The following UNC5D variants were observed in gnomAD, a reference collection of about 807,000 sequenced individuals.
UNC5D encodes netrin receptor UNC5D.
Under a neutral mutation model 105.4 loss-of-function variants are expected in UNC5D, and 39 were observed. That is an observed-to-expected ratio of 0.37 (90% CI 0.29 to 0.48). UNC5D has a LOEUF of 0.48. Among genes scored for constraint, UNC5D ranks in the 20% least tolerant of loss-of-function variants. The probability of loss-of-function intolerance (pLI) is 0.98; values close to 1 mark genes in which losing one functional copy is unlikely to be tolerated. For missense variants in UNC5D, 991 were observed against 1,202.4 expected, an observed-to-expected ratio of 0.82 and a Z score of 2.60; for synonymous variants, 452 against 450.4, an observed-to-expected ratio of 1.00 and a Z score of -0.04.
chr8:35,390,499 A>G (rs558561018), intron 1 of UNC5D, among the ~76,000 whole-genome samples: 119 of 151,398 alleles, frequency 7.9e-4, no homozygotes, highest in East Asian at 1.6e-3. Context: ...GAAAAAAAAA[A>G]TATTATGGAG....
At chr8:35,328,845 C>T (rs933719290) in intron 1 of UNC5D, among the ~76,000 whole-genome samples, 1 of 152,078 alleles carries the variant, frequency 6.6e-6, no homozygotes, top group South Asian at 2.1e-4. Context: ...TTTCATGATG[C>T]GTTTTGGAAG....
At chr8:35,776,906 C>G (rs1054809314) in intron 16 of UNC5D, among the ~76,000 whole-genome samples, 6 of 152,018 alleles carry the variant, frequency 3.9e-5, no homozygotes, top group Non-Finnish European at 7.4e-5. Context: ...GCCACAAGTT[C>G]GAGGCCACAA....
At chr8:35,495,938 GA>G (rs1395360162) in intron 1 of UNC5D, among the ~76,000 whole-genome samples, 2 of 152,162 alleles carry the variant, frequency 1.3e-5, no homozygotes, top group African/African-American at 2.4e-5. Context: ...GGGGCCAAAA[GA>G]TATGTATTCC....
At chr8:35,596,582 GCA>G (rs941548420) in intron 4 of UNC5D, among the ~76,000 whole-genome samples, 7 of 152,138 alleles carry the variant, frequency 4.6e-5, no homozygotes, top group Non-Finnish European at 8.8e-5. Context: ...TGTGGTCAGA[GCA>G]CAGTTTGGTT....
intron 1 of UNC5D, among the ~76,000 whole-genome samples, chr8:35,238,603 A>T (rs182153392): frequency 6.6e-6 from 1 of 152,168 alleles, no homozygotes; most frequent in Non-Finnish European, 1.5e-5. Context: ...TCTTCAAGAA[A>T]AAAAGGGGGA....
chr8:35,314,001 T>C (rs1215836012), intron 1 of UNC5D, among the ~76,000 whole-genome samples: 9 of 152,044 alleles, frequency 5.9e-5, no homozygotes, highest in African/African-American at 2.2e-4. Flanking sequence ...AGAATGGAAA[T>C]GTTGTTCTAA....
At chr8:35,277,991 G>C (rs1330265926) in intron 1 of UNC5D, among the ~76,000 whole-genome samples, 4 of 152,180 alleles carry the variant, frequency 2.6e-5, no homozygotes, top group Non-Finnish European at 5.9e-5. Flanking sequence ...AGTACCCGAG[G>C]CTGCCAGACC....
intron 1 of UNC5D, among the ~76,000 whole-genome samples, chr8:35,546,037 C>T (rs1039869458): frequency 3.3e-5 from 5 of 152,018 alleles, no homozygotes; most frequent in Non-Finnish European, 5.9e-5. Flanking sequence ...TGGGACTACA[C>T]GCATGCATCC....
At chr8:35,606,375 G>A (rs1226904805) in intron 4 of UNC5D, among the ~76,000 whole-genome samples, 1 of 152,196 alleles carries the variant, frequency 6.6e-6, no homozygotes, top group Non-Finnish European at 1.5e-5. Flanking sequence ...TTATTAAGGA[G>A]AGTCTGGAGT....
chr8:35,693,516 G>C (rs918374316), intron 7 of UNC5D, among the ~76,000 whole-genome samples: 4 of 152,060 alleles, frequency 2.6e-5, no homozygotes, highest in African/African-American at 9.7e-5. Context: ...TTACCAACCA[G>C]GTCTGAAACA....
intron 4 of UNC5D, among the ~76,000 whole-genome samples, chr8:35,603,323 G>T (rs1563579828): frequency 6.6e-6 from 1 of 152,128 alleles, no homozygotes; most frequent in South Asian, 2.1e-4. Flanking sequence ...TCAGGAGCAG[G>T]TTGTTCAGTT....
intron 1 of UNC5D, among the ~76,000 whole-genome samples, chr8:35,271,136 A>G (rs1247369855): frequency 1.3e-5 from 2 of 150,644 alleles, no homozygotes; most frequent in African/African-American, 2.4e-5. Context: ...GAATGCAAAA[A>G]ATTTGATTTT....
At chr8:35,622,093 C>A (rs573216652) in intron 4 of UNC5D, among the ~76,000 whole-genome samples, 6 of 152,214 alleles carry the variant, frequency 3.9e-5, no homozygotes, top group African/African-American at 1.4e-4. Context: ...CCTGTAATCC[C>A]AGCACTTTGG....
chr8:35,603,891 G>T (rs1034104478), intron 4 of UNC5D, among the ~76,000 whole-genome samples: 5 of 151,808 alleles, frequency 3.3e-5, no homozygotes, highest in African/African-American at 1.2e-4. Context: ...TTTTCCATTT[G>T]CTTGGTAGAT....
At chr8:35,485,829 T>TA (rs1323997222) in intron 1 of UNC5D, among the ~76,000 whole-genome samples, 79 of 152,306 alleles carry the variant, frequency 5.2e-4, no homozygotes, top group African/African-American at 1.8e-3. Context: ...ATAACATATG[T>TA]AAAACCATGG....
intron 16 of UNC5D, among the ~76,000 whole-genome samples, chr8:35,774,750 G>A (rs978255887): frequency 1.3e-5 from 2 of 151,972 alleles, no homozygotes; most frequent in Non-Finnish European, 2.9e-5. Flanking sequence ...TGGGCAACAT[G>A]GTGAGACCCC....
chr8:35,754,785 A>G (rs1165439129), intron 13 of UNC5D, among the ~76,000 whole-genome samples: 1 of 152,196 alleles, frequency 6.6e-6, no homozygotes, highest in Non-Finnish European at 1.5e-5. Flanking sequence ...TCTGAGTAAT[A>G]CTAGCAATTT....
chr8:35,363,326 C>T (rs1031882150), intron 1 of UNC5D, among the ~76,000 whole-genome samples: 7 of 151,982 alleles, frequency 4.6e-5, no homozygotes, highest in African/African-American at 1.4e-4. Context: ...AAGTGGAACC[C>T]CCTAATAAAA....
chr8:35,292,387 G>A (rs933088900), intron 1 of UNC5D, among the ~76,000 whole-genome samples: 3 of 152,178 alleles, frequency 2.0e-5, no homozygotes, highest in Non-Finnish European at 4.4e-5. Flanking sequence ...CAGGATTAGA[G>A]CATGCTGCAT....
Sources: allele counts gnomAD v4.1 joint callset (sites outside exome capture counted in the v4.1 genomes callset), GRCh38; gene constraint gnomAD v4.1.1; transcripts MANE v1.5; gene names NCBI Gene and HGNC (gene_info 2026-07-23, HGNC 2026-07-21).